The following RAP1GAP variants were observed in gnomAD, a reference collection of about 807,000 sequenced individuals.
RAP1GAP encodes RAP1 GTPase activating protein, also known as rap1 GTPase-activating protein 1.
Under a neutral mutation model 87.2 loss-of-function variants are expected in RAP1GAP, and 35 were observed. The observed-to-expected ratio is 0.40, with a 90% CI of 0.31 to 0.53. RAP1GAP has a LOEUF of 0.53. Ranked by LOEUF, RAP1GAP falls within the 20% of genes least tolerant of loss-of-function variation. The probability of loss-of-function intolerance (pLI) is 0.48; values close to 1 mark genes in which losing one functional copy is unlikely to be tolerated. For synonymous variants in RAP1GAP, 375 were observed against 363.9 expected, an observed-to-expected ratio of 1.03 and a Z score of -0.35; for missense variants, 734 against 898.9, an observed-to-expected ratio of 0.82 and a Z score of 2.35.
chr1:21,644,924 AAAAG>A (rs71671787), intron 2 of RAP1GAP, among the ~76,000 whole-genome samples: 6,675 of 147,174 alleles, frequency 0.045, 177 homozygotes, highest in African/African-American at 0.066. Context: ...AAAAAAAGAG[AAAAG>A]AAAGAAAGAA....
intron 2 of RAP1GAP, among the ~76,000 whole-genome samples, chr1:21,645,736 G>C (rs1051536964): frequency 4.6e-5 from 7 of 152,176 alleles, no homozygotes; most frequent in Non-Finnish European, 2.9e-5. Context: ...CTGCCCGTCG[G>C]GGGCCTGCCC....
chr1:21,633,691 G>A (rs116370323), intron 2 of RAP1GAP, among the ~76,000 whole-genome samples: 1,593 of 152,256 alleles, frequency 0.01, 27 homozygotes, highest in African/African-American at 0.036. Flanking sequence ...AATGAATACA[G>A]GGCAGAGAAG....
chr1:21,657,157 T>C (rs1445451673), intron 1 of RAP1GAP, among the ~76,000 whole-genome samples: 1 of 152,164 alleles, frequency 6.6e-6, no homozygotes, highest in South Asian at 2.1e-4. Context: ...CCTGTAGAGA[T>C]CACATCAAGA....
chr1:21,666,297 G>T (rs2097345231), intron 1 of RAP1GAP, among the ~76,000 whole-genome samples: 1 of 152,204 alleles, frequency 6.6e-6, no homozygotes, highest in South Asian at 2.1e-4. Context: ...ACACCAGCTG[G>T]CCCCCAGCCT....
In RAP1GAP at chr1:21,614,064, T is replaced by C; in HGVS notation, c.317A>G (p.Asp106Gly). 2 of 1,608,562 alleles carry C rather than the reference T, an allele frequency of 1.2e-6. No individual in the cohort carries two copies. Among genetic ancestry groups the C allele is most frequent in the Non-Finnish European group, 1.7e-6 (2 of 1,176,074 alleles). The change falls in exon 8 of 25, where the codon GAC (aspartate) becomes GGC (glycine). Residue 106 changes from aspartate (D) to glycine (G), a missense_variant. Around this residue, in one of 2 missense-constraint regions of RAP1GAP, gnomAD observed 485 missense variants for 646.2 expected, o/e 0.75. Transcript: ENST00000374765. ...GAAGACAAGGTGGCCGAGGGCAGCG[T>C]CCAGTGAGTAGTAATTGAAATGCTC... ...GKEHFNYYSL[D>G]AALGHLVFSL...
intron 2 of RAP1GAP, 82 bp from the exon 3 acceptor site, chr1:21,626,479 G>A (rs1230734617): frequency 1.8e-6 from 2 of 1,114,558 alleles, no homozygotes. Context: ...CTCAGAGCTG[G>A]GGGATGTGAG....
At chr1:21,618,316 G>A (rs1429209524) in intron 5 of RAP1GAP, among the ~76,000 whole-genome samples, 1 of 152,184 alleles carries the variant, frequency 6.6e-6, no homozygotes, top group Non-Finnish European at 1.5e-5. Flanking sequence ...CACCGACGCT[G>A]CTGGTGTGAG....
chr1:21,636,928 G>A (rs1571118406), intron 2 of RAP1GAP, among the ~76,000 whole-genome samples: 1 of 123,212 alleles, frequency 8.1e-6, no homozygotes, highest in Admixed American at 7.8e-5. Flanking sequence ...GAGGGAGGGA[G>A]GGAGGGAGGG....
chr1:21,647,442 C>CT (rs2096168252), intron 2 of RAP1GAP, among the ~76,000 whole-genome samples: 1 of 152,144 alleles, frequency 6.6e-6, no homozygotes, highest in Non-Finnish European at 1.5e-5. Flanking sequence ...ACAGCCTGGG[C>CT]GACAGAGTGA....
chr1:21,659,426 A>G (rs1409695797), intron 1 of RAP1GAP, among the ~76,000 whole-genome samples: 1 of 151,796 alleles, frequency 6.6e-6, no homozygotes, highest in Non-Finnish European at 1.5e-5. Context: ...GCACTTCCTC[A>G]CCCCTCCCTT....
In RAP1GAP at chr1:21,598,037, G is replaced by A. The variant is rs199904611; in HGVS notation, c.1907C>T (p.Ala636Val). Residue 636 changes from alanine (A) to valine (V), a missense_variant, in exon 23 of 25, where the codon GCC (alanine) becomes GTC (valine). Around this residue, in one of 2 missense-constraint regions of RAP1GAP, gnomAD observed 249 missense variants for 252.7 expected, o/e 0.99. Transcript: ENST00000374765. Reference sequence around the variant, plus strand: ...ACACGCAGGGTCCCCCAACTTGCCGGCGTCTGGGTGGGGTGATCGAGAGGG... The same window carrying A: ...ACACGCAGGGTCCCCCAACTTGCCGACGTCTGGGTGGGGTGATCGAGAGGG... ...PGPSRSPHPD[A>V]GKLGDPACPE... The A allele has an allele frequency of 6.6e-4, 1,051 of 1,582,654 alleles. 9 individuals are homozygous for A. In the African/African-American group the frequency reaches 0.013, roughly 20 times the overall value.
intron 3 of RAP1GAP, among the ~76,000 whole-genome samples, chr1:21,624,945 T>C (rs1486084268): frequency 2.0e-5 from 3 of 152,102 alleles, no homozygotes; most frequent in African/African-American, 7.2e-5. Flanking sequence ...GGGCTCCTCC[T>C]GAGATGCTCA....
At chr1:21,621,963 C>G (rs2088075386) in intron 3 of RAP1GAP, among the ~76,000 whole-genome samples, 1 of 152,196 alleles carries the variant, frequency 6.6e-6, no homozygotes, top group Non-Finnish European at 1.5e-5. Flanking sequence ...CGCGAGGGCT[C>G]TGAGAGATGG....
chr1:21,656,427 A>C lies in RAP1GAP; in HGVS notation c.-148-6631T>G, dbSNP rs1349657118. ...TAGCAAGACTCCATCTAAAAAAAAA[A>C]AAAAAAAAAAAAAAAAAAAAAAAAA... On this transcript the variant is annotated intron_variant, in intron 1 of 24. Transcript: ENST00000374765. Among the ~76,000 whole-genome samples, 59 of 149,736 alleles carry C rather than the reference A, an allele frequency of 3.9e-4. 1 individual carries two copies. Among genetic ancestry groups the C allele is most frequent in the Non-Finnish European group, 5.1e-4 (34 of 67,218 alleles).
rs771807329 is a variant in RAP1GAP, at chr1:21,634,774, C to G, written c.-112-8377G>C. 2.1e-6 allele frequency: 1 copy of G among 477,346 alleles called. No individual in the cohort carries two copies. Among genetic ancestry groups the G allele is most frequent in the East Asian group, 6.3e-5 (1 of 15,842 alleles). 29.6% of individuals were successfully genotyped at this position (477,346 alleles called of 1,614,324 possible). On this transcript the variant is annotated intron_variant, in intron 2 of 24. Transcript: ENST00000374765. This position sits in a 1 kb window ranked among gnomAD's most constrained non-coding sequence, Gnocchi z 4.1. ...GCCACCCATTTACCTGCTGTCTATCCAGCATCTGTCTCCCTTGCTCAGGTG... is the reference window on the plus strand; with the variant it reads ...GCCACCCATTTACCTGCTGTCTATCGAGCATCTGTCTCCCTTGCTCAGGTG...
chr1:21,596,899 A>C lies in RAP1GAP; in HGVS notation c.*400T>G, dbSNP rs1314100958. ...ATCACATCCTCCTTGTGCTGCCTCCAGGGGCTAAGCTCTCCACACGGAGCT... is the reference window on the plus strand; with the variant it reads ...ATCACATCCTCCTTGTGCTGCCTCCCGGGGCTAAGCTCTCCACACGGAGCT... On this transcript the variant is annotated 3_prime_UTR_variant, in exon 25 of 25. Transcript: ENST00000374765. 1 of 152,390 alleles carries C rather than the reference A, an allele frequency of 6.6e-6. No individual in the cohort carries two copies. Among genetic ancestry groups the C allele is most frequent in the East Asian group, 1.9e-4 (1 of 5,186 alleles). The allele number at this position is 152,390 out of a possible 1,614,324, so 9.4% of individuals were successfully genotyped here.
At chr1:21,661,518 A>G (rs2097155063) in intron 1 of RAP1GAP, among the ~76,000 whole-genome samples, 1 of 152,248 alleles carries the variant, frequency 6.6e-6, no homozygotes, top group African/African-American at 2.4e-5. Flanking sequence ...TTGGAATCAC[A>G]TGGACCTGTG....
Position 21,598,022 on chromosome 1 carries a change from TCC to T in RAP1GAP, c.1920_1921del (p.Asp641ProfsTer14). ...GATCTTGATCTCGGGACACGCAGGGTCCCCCAACTTGCCGGCGTCTGGGTGGG... is the reference window on the plus strand; with the variant it reads ...GATCTTGATCTCGGGACACGCAGGGTCCCAACTTGCCGGCGTCTGGGTGGG... On this transcript the variant is annotated frameshift_variant, in exon 23 of 25. Coordinates refer to ENST00000374765, the MANE Select transcript of RAP1GAP (RefSeq NM_002885.4). LOFTEE classifies it high-confidence loss of function. The T allele has an allele frequency of 6.4e-7, 1 of 1,562,256 alleles. No homozygotes were observed. The highest frequency in any genetic ancestry group is 8.7e-7 in the Non-Finnish European group (1 of 1,155,162).
intron 2 of RAP1GAP, among the ~76,000 whole-genome samples, chr1:21,632,214 G>A (rs2093891949): frequency 6.6e-6 from 1 of 152,172 alleles, no homozygotes; most frequent in Admixed American, 6.5e-5. Context: ...AGGGTGTGGG[G>A]GAAGGGCCCA....
Sources: gnomAD v4.1 joint callset for allele counts (sites outside exome capture counted in the v4.1 genomes callset) on GRCh38, gnomAD v4.1.1 for gene constraint, gnomAD v4.1.1 regional missense constraint, Gnocchi (gnomAD v3.1) non-coding constraint, MANE v1.5 for transcripts, NCBI Gene and HGNC (gene_info 2026-07-23, HGNC 2026-07-21) for gene names.